The following MDFIC variants were observed in gnomAD, a reference collection of about 807,000 sequenced individuals.
The protein encoded by MDFIC is myoD family inhibitor domain-containing protein.
A neutral mutation model predicts 23.2 loss-of-function variants in MDFIC; 17 were observed. The ratio of observed to expected loss-of-function variants is 0.73; its 90% CI spans 0.50 to 1.10. The LOEUF (loss-of-function observed/expected upper bound fraction) is 1.10. Among genes scored for constraint, MDFIC ranks in the 50% least tolerant of loss-of-function variants. The pLI is 0.00. For synonymous variants in MDFIC, 120 were observed against 115.2 expected (o/e 1.04, Z -0.27); for missense variants, 356 against 316.6 (o/e 1.12, Z -0.95).
At chr7:114,981,700 T>A (rs1022203002) in intron 4 of MDFIC, among the ~76,000 whole-genome samples, 9 of 152,270 alleles carry the variant, frequency 5.9e-5, no homozygotes, top group African/African-American at 2.2e-4. Flanking sequence ...ATCTTCATTG[T>A]AAGACTATAG....
chr7:114,967,136 A>C (rs1319438923), intron 3 of MDFIC, among the ~76,000 whole-genome samples: 2 of 152,146 alleles, frequency 1.3e-5, no homozygotes, highest in Non-Finnish European at 2.9e-5. Context: ...CTCTCTGAAC[A>C]TTTGCATCTT....
chr7:115,001,939 C>A (rs116872619), intron 4 of MDFIC, among the ~76,000 whole-genome samples: 1 of 152,080 alleles, frequency 6.6e-6, no homozygotes, highest in Non-Finnish European at 1.5e-5. Context: ...GAGTTTGAGC[C>A]GAGCCTGGCC....
intron 3 of MDFIC, among the ~76,000 whole-genome samples, chr7:114,967,477 A>T (rs1372743412): frequency 6.6e-6 from 1 of 152,208 alleles, no homozygotes; most frequent in Non-Finnish European, 1.5e-5. Flanking sequence ...CATGCTGAAG[A>T]TGACTGTAAA....
chr7:115,013,437 A>G (rs1032693845), intron 4 of MDFIC, among the ~76,000 whole-genome samples: 4 of 152,228 alleles, frequency 2.6e-5, no homozygotes, highest in Non-Finnish European at 4.4e-5. Context: ...AATAATTTAC[A>G]TAATCAATAA....
intron 3 of MDFIC, among the ~76,000 whole-genome samples, chr7:114,962,643 T>C (rs917504168): frequency 2.0e-5 from 3 of 152,308 alleles, no homozygotes; most frequent in Middle Eastern, 3.4e-3. Context: ...TACTAGAGGA[T>C]GTGCAGTGCT....
chr7:114,949,127 C>T (rs573614842), intron 3 of MDFIC, among the ~76,000 whole-genome samples: 1 of 152,212 alleles, frequency 6.6e-6, no homozygotes, highest in Admixed American at 6.5e-5. Flanking sequence ...TAATTTATTA[C>T]TTTACCTTTC....
chr7:115,007,630 G>GTGTGTATATATATATATATA (rs369718965), intron 4 of MDFIC, among the ~76,000 whole-genome samples: 2 of 132,946 alleles, frequency 1.5e-5, no homozygotes, highest in African/African-American at 6.1e-5. Flanking sequence ...GCGTGTGTGT[G>GTGTGTATATATATATATATA]TATATATATA....
At chr7:114,954,116 C>A (rs116260459) in intron 3 of MDFIC, among the ~76,000 whole-genome samples, 1 of 152,200 alleles carries the variant, frequency 6.6e-6, no homozygotes, top group Non-Finnish European at 1.5e-5. Flanking sequence ...AACAGCCGTA[C>A]CTGTTTCACT....
intron 4 of MDFIC, among the ~76,000 whole-genome samples, chr7:114,995,844 C>A (rs961652728): frequency 2.9e-4 from 44 of 152,160 alleles, no homozygotes; most frequent in African/African-American, 1.1e-3. Flanking sequence ...AAACTCTGTG[C>A]TGGGAGAACC....
intron 2 of MDFIC, among the ~76,000 whole-genome samples, chr7:114,939,887 C>T (rs1335235459): frequency 6.6e-6 from 1 of 152,186 alleles, no homozygotes; most frequent in African/African-American, 2.4e-5. Context: ...AGCCTACTAG[C>T]ATGACACCTG....
chr7:114,968,669 A>G (rs1464075025), intron 3 of MDFIC, among the ~76,000 whole-genome samples: 1 of 152,156 alleles, frequency 6.6e-6, no homozygotes, highest in Non-Finnish European at 1.5e-5. Flanking sequence ...GTTCATCTAT[A>G]ATGAGAACTG....
intron 2 of MDFIC, among the ~76,000 whole-genome samples, chr7:114,924,226 CAT>C (rs772727427): frequency 4.6e-5 from 7 of 152,130 alleles, no homozygotes; most frequent in Non-Finnish European, 1.0e-4. Context: ...GAATGATAAA[CAT>C]ATGTTTTCTG....
rs148928633 is a variant in MDFIC at position 114,998,850 on chromosome 7, AAAG to A, written c.494-16833_494-16831del. Among the ~76,000 whole-genome samples, 7 of 152,320 alleles carry A rather than the reference AAAG, an allele frequency of 4.6e-5. No homozygotes were observed. In the East Asian group the frequency reaches 1.3e-3, roughly 29 times the overall value. ...TAATTTCGGACATTAAGTTTTTAAA[AAAG>A]AAGATTTCAAAGGAATAGGAACAAA... is the stretch of plus-strand genomic sequence containing the variant. On this transcript the variant is annotated intron_variant, in intron 4 of 4. Coordinates refer to ENST00000393486, the MANE Select transcript of MDFIC (RefSeq NM_001166345.3).
At chr7:114,974,188 G>A (rs930203371) in intron 3 of MDFIC, among the ~76,000 whole-genome samples, 15 of 152,002 alleles carry the variant, frequency 9.9e-5, no homozygotes, top group Non-Finnish European at 1.6e-4. Context: ...ACATTATATA[G>A]CAATAAAAAT....
intron 2 of MDFIC, chr7:114,923,432 G>A (rs1160577893): frequency 1.3e-6 from 2 of 1,534,760 alleles, no homozygotes; most frequent in Non-Finnish European, 1.7e-6. Context: ...GACTCAATGT[G>A]TAGGTTCTGA....
chr7:114,968,545 C>G (rs748791878), intron 3 of MDFIC, among the ~76,000 whole-genome samples: 8 of 152,186 alleles, frequency 5.3e-5, no homozygotes, highest in Non-Finnish European at 1.0e-4. Context: ...AAGAAACTCA[C>G]CAGGATTTTC....
intron 4 of MDFIC, among the ~76,000 whole-genome samples, chr7:114,997,416 G>T (rs1340553962): frequency 6.6e-6 from 1 of 151,708 alleles, no homozygotes; most frequent in Non-Finnish European, 1.5e-5. Context: ...GCATGTGTGT[G>T]TGTGTGTGTG....
chr7:115,015,994 G>A lies in MDFIC; in HGVS notation c.*59G>A, dbSNP rs1283173166. The A allele has an allele frequency of 9.3e-6, 14 of 1,505,110 alleles. No homozygotes were observed. Among genetic ancestry groups the A allele is most frequent in the South Asian group, 7.5e-5 (6 of 80,212 alleles). The allele number at this position is 1,505,110 out of a possible 1,614,324, so 93.2% of individuals were successfully genotyped here. ...GTGTTTAAAAATTTCCTTTTGGGGG[G>A]AAGAAAAGCACATTGTAAGATTCTC... On this transcript the variant is annotated 3_prime_UTR_variant, in exon 5 of 5. Coordinates refer to ENST00000393486, the MANE Select transcript of MDFIC (RefSeq NM_001166345.3).
chr7:114,978,161 A>G (rs888180257), intron 3 of MDFIC, among the ~76,000 whole-genome samples: 35 of 151,902 alleles, frequency 2.3e-4, no homozygotes, highest in African/African-American at 7.7e-4. Context: ...TTGTATGTCT[A>G]TGCCTGGTCC....
Sources: gnomAD v4.1 joint callset for allele counts (sites outside exome capture counted in the v4.1 genomes callset) on GRCh38, gnomAD v4.1.1 for gene constraint, MANE v1.5 for transcripts, NCBI Gene and HGNC (gene_info 2026-07-23, HGNC 2026-07-21) for gene names.